Variants in FAM83G observed in about 807,000 individuals in gnomAD.
FAM83G encodes the protein scaffolding CK1 anchoring protein G.
In FAM83G, 38 loss-of-function variants were observed where a neutral mutation model predicts 61.5. That is an observed-to-expected ratio of 0.62 (90% CI 0.48 to 0.81). FAM83G has a LOEUF of 0.81. Among genes scored for constraint, FAM83G ranks in the 30% least tolerant of loss-of-function variants. FAM83G has a pLI of 0.00. For synonymous variants in FAM83G, 470 were observed against 476.1 expected (o/e 0.99, Z 0.17); for missense variants, 989 against 1,133.6 (o/e 0.87, Z 1.83).
intron 2 of FAM83G, among the ~76,000 whole-genome samples, chr17:18,999,059 CACAAGGTCA>C (rs2043649787): frequency 6.6e-6 from 1 of 152,196 alleles, no homozygotes; most frequent in African/African-American, 2.4e-5. Flanking sequence ...GCGGGTGGAT[CACAAGGTCA>C]GGAGTTCGAG....
chr17:18,977,592 C>G lies in FAM83G; in HGVS notation c.2074G>C (p.Glu692Gln), dbSNP rs1373533533. The G allele has an allele frequency of 3.7e-6, 6 of 1,608,298 alleles. No homozygotes were observed. In the Admixed American group the frequency reaches 5.0e-5, roughly 13 times the overall value. ...RMQAQRSTDK[E>Q]AQGQQFHHHR... ...CAGGGACCCTGACCCACCTGTGCCTCCTTGTCTGTGGAGCGCTGGGCCTGC... is the reference window on the plus strand; with the variant it reads ...CAGGGACCCTGACCCACCTGTGCCTGCTTGTCTGTGGAGCGCTGGGCCTGC... The change falls in exon 5 of 6, where the codon GAG becomes CAG. Residue 692 changes from glutamate (E) to glutamine (Q), a missense_variant. By Grantham distance (29) the Glu-to-Gln change is conservative (BLOSUM62 2). Coordinates refer to ENST00000388995, the MANE Select transcript of FAM83G (RefSeq NM_001039999.3).
At position 18,970,782 on chromosome 17, in the gene FAM83G, C is replaced by T; in HGVS notation, c.*577G>A. The T allele has an allele frequency of 3.6e-6, 2 of 560,124 alleles. No homozygotes were observed. The highest frequency in any genetic ancestry group is 6.4e-6 in the Non-Finnish European group (2 of 313,480). The allele number at this position is 560,124 out of a possible 1,614,324, so 34.7% of individuals were successfully genotyped here. A position where few individuals can be genotyped will look rare whatever the true frequency, so the allele number is the denominator to read the frequency against. On this transcript the variant is annotated 3_prime_UTR_variant, in exon 6 of 6. Coordinates refer to ENST00000388995, the MANE Select transcript of FAM83G (RefSeq NM_001039999.3). ...CACTGGGGTGCCCATGTGCAAAATG[C>T]TTACTTAATAGTATTATTTTAAATA...
In FAM83G at chr17:18,996,136, G is replaced by GAA. The variant is rs529997491; in HGVS notation, c.522+7382_522+7383dup. 0.077 allele frequency among the ~76,000 whole-genome samples: 10,595 copies of GAA among 137,534 alleles called. 699 individuals are homozygous for GAA. The highest frequency in any genetic ancestry group is 0.33 in the South Asian group (1,468 of 4,514). The allele number at this position is 137,534 out of a possible 152,430, so 90.2% of individuals were successfully genotyped here. A position where few individuals can be genotyped will look rare whatever the true frequency, so the allele number is the denominator to read the frequency against. ...GGCAATATCTTTAAAGTACTAAATG[G>GAA]AAAAAAAAAAAAATCAACTTAGAAT... is the stretch of plus-strand genomic sequence containing the variant. On this transcript the variant is annotated intron_variant, in intron 2 of 5. Transcript: ENST00000388995. The surrounding 1 kb of genome is among the most constrained non-coding windows in gnomAD (Gnocchi z 4.4).
rs1357221865 is a variant in FAM83G at position 18,978,078 on chromosome 17, G to A, written c.1588C>T (p.Pro530Ser). The A allele has an allele frequency of 6.6e-7, 1 of 1,516,328 alleles. No individual in the cohort carries two copies. 93.9% of individuals were successfully genotyped at this position (1,516,328 alleles called of 1,614,324 possible). The part of the protein sequence containing the change: ...SSDIGWVLEL[P>S]KEEAPQNGTD... ...CCATTCTGGGGAGCTTCCTCTTTGG[G>A]GAGCTCCAGGACCCAGCCAATATCA... Residue 530 changes from proline (P) to serine (S), a missense_variant, in exon 5 of 6, where the codon CCC becomes TCC. Pro to Ser is a moderately conservative substitution (Grantham distance 74). Transcript: ENST00000388995.
intron 3 of FAM83G, among the ~76,000 whole-genome samples, chr17:18,981,203 T>G (rs1023138518): frequency 6.6e-6 from 1 of 151,914 alleles, no homozygotes; most frequent in Non-Finnish European, 1.5e-5. Context: ...TGTGAAGGGC[T>G]GGCCGGGAGG....
At chr17:18,995,217 G>A (rs999343003) in intron 2 of FAM83G, among the ~76,000 whole-genome samples, 2 of 152,132 alleles carry the variant, frequency 1.3e-5, no homozygotes, top group Non-Finnish European at 2.9e-5. Flanking sequence ...GTTAGAACTG[G>A]CAGATAAAGA....
intron 4 of FAM83G, chr17:18,979,197 T>G (rs954169647): frequency 2.1e-6 from 1 of 466,276 alleles, no homozygotes; most frequent in East Asian, 3.9e-5. Context: ...AACCCCCATG[T>G]AACCATGGGC....
At position 18,972,308 on chromosome 17, in the gene FAM83G, C is replaced by G. The variant is rs1249844742; in HGVS notation, c.2083-560G>C. ...GCCTCTGGACCCAGCCCCAGGGGTCCACCATAGGACAAGGCAGCCACAGCC... is the reference window on the plus strand; with the variant it reads ...GCCTCTGGACCCAGCCCCAGGGGTCGACCATAGGACAAGGCAGCCACAGCC... On this transcript the variant is annotated intron_variant, in intron 5 of 5. Transcript: ENST00000388995. 3.9e-5 allele frequency among the ~76,000 whole-genome samples: 6 copies of G among 152,328 alleles called. 1 individual carries two copies. The highest frequency in any genetic ancestry group is 3.9e-4 in the Admixed American group (6 of 15,298).
intron 2 of FAM83G, among the ~76,000 whole-genome samples, chr17:18,993,986 C>T (rs79524186): frequency 0.083 from 12,685 of 152,234 alleles, 881 homozygotes; most frequent in African/African-American, 0.19. Flanking sequence ...AAGTCCCATC[C>T]CACCAGACCC....
intron 3 of FAM83G, among the ~76,000 whole-genome samples, chr17:18,984,973 A>T (rs1411801567): frequency 6.6e-6 from 1 of 152,170 alleles, no homozygotes; most frequent in Non-Finnish European, 1.5e-5. Context: ...CGCTGCTCCC[A>T]CCTCACCTGG....
chr17:18,971,546 C>T lies in FAM83G; in HGVS notation c.2285G>A (p.Arg762Lys), dbSNP rs750911081. 4 of 1,613,760 alleles carry T rather than the reference C, an allele frequency of 2.5e-6. No homozygotes were observed. The highest frequency in any genetic ancestry group is 3.4e-6 in the Non-Finnish European group (4 of 1,180,028). ...PRLLPDPGSP[R>K]LAQNARPMTD... ...CATGGGGCGGGCATTTTGGGCCAGTCTTGGGCTGCCGGGATCCGGAAGCAG... is the reference window on the plus strand; with the variant it reads ...CATGGGGCGGGCATTTTGGGCCAGTTTTGGGCTGCCGGGATCCGGAAGCAG... The change falls in exon 6 of 6, where the codon AGA becomes AAA. Residue 762 changes from arginine to lysine, a missense_variant. This residue lies in a region of FAM83G where 574 missense variants were observed against 645.1 expected (regional missense o/e 0.89). Coordinates refer to ENST00000388995, the MANE Select transcript of FAM83G (RefSeq NM_001039999.3). The surrounding 1 kb of genome is among the most constrained non-coding windows in gnomAD (Gnocchi z 5.5).
In FAM83G at chr17:18,978,460, C is replaced by T. The variant is rs1288913823; in HGVS notation, c.1206G>A (p.Leu402=). ...GGTACTCAAACATGTTGGCCCTCTC[C>T]AGGTGAAGCAGTCCTGGGTGGATGG... ...LPPIHPGLLH[L]ERANMFEYLP... is the part of the protein sequence containing the mutation. The change falls in exon 5 of 6, where the codon CTG becomes CTA. Residue 402 remains leucine (L), a synonymous_variant. Transcript: ENST00000388995. 1 of 1,608,684 alleles carries T rather than the reference C, an allele frequency of 6.2e-7. No individual in the cohort carries two copies. The highest frequency in any genetic ancestry group is 1.3e-5 in the African/African-American group (1 of 74,838).
chr17:18,996,800 T>C lies in FAM83G; in HGVS notation c.522+6720A>G, dbSNP rs2043581462. ...AGGCTTTTCTCCTAATGGGGGACCC[T>C]GTGTCCATTCCAACCTCTGAACCCA... On this transcript the variant is annotated intron_variant, in intron 2 of 5. Coordinates refer to ENST00000388995, the MANE Select transcript of FAM83G (RefSeq NM_001039999.3). This position sits in a 1 kb window ranked among gnomAD's most constrained non-coding sequence, Gnocchi z 4.4. Among the ~76,000 whole-genome samples, 1 of 152,198 alleles carries C rather than the reference T, an allele frequency of 6.6e-6. No homozygotes were observed. The highest frequency in any genetic ancestry group is 2.4e-5 in the African/African-American group (1 of 41,452).
chr17:18,988,134 CTG>C, intron 3 of FAM83G, 111 bp downstream of exon 3: 2 of 1,469,014 alleles, frequency 1.4e-6, no homozygotes, highest in Non-Finnish European at 1.8e-6. Flanking sequence ...TTACTGGACT[CTG>C]AGTGCCTGGC....
At chr17:18,993,344 G>GCCC (rs2043478941) in intron 2 of FAM83G, among the ~76,000 whole-genome samples, 1 of 152,150 alleles carries the variant, frequency 6.6e-6, no homozygotes. Context: ...CGTCACTCTG[G>GCCC]CCTGTCTGGG....
chr17:19,001,358 C>T (rs1439993657), intron 2 of FAM83G, among the ~76,000 whole-genome samples: 1 of 152,204 alleles, frequency 6.6e-6, no homozygotes, highest in African/African-American at 2.4e-5. Context: ...AGCTTAGTCT[C>T]TACTGCCTCT....
chr17:18,970,517 C>T lies in FAM83G; in HGVS notation c.*842G>A, dbSNP rs972515197. ...CCCCATCCCTCTCTGGACCTGTCTC[C>T]CTCTTCTCTGTGCCTCAGGGGGTGG... On this transcript the variant is annotated 3_prime_UTR_variant, in exon 6 of 6. Coordinates refer to ENST00000388995, the MANE Select transcript of FAM83G (RefSeq NM_001039999.3). 1 of 171,008 alleles carries T rather than the reference C, an allele frequency of 5.8e-6. No homozygotes were observed. The highest frequency in any genetic ancestry group is 1.4e-4 in the South Asian group (1 of 7,110). 10.6% of individuals were successfully genotyped at this position (171,008 alleles called of 1,614,324 possible). A position where few individuals can be genotyped will look rare whatever the true frequency, so the allele number is the denominator to read the frequency against.
rs766198807 is a variant in FAM83G, at chr17:19,000,891, T to C, written c.522+2629A>G. ...CGTCAGTGTCCGGGCCCTGCCCCTG[T>C]GAGCCTGGGAAGCAGCTGGGGCAGG... On this transcript the variant is annotated intron_variant, in intron 2 of 5. Transcript: ENST00000388995. The surrounding 1 kb of genome is among the most constrained non-coding windows in gnomAD (Gnocchi z 5.2). Among the ~76,000 whole-genome samples the C allele has an allele frequency of 9.2e-5, 14 of 152,138 alleles. No individual in the cohort carries two copies. Among genetic ancestry groups the C allele is most frequent in the Non-Finnish European group, 1.8e-4 (12 of 68,014 alleles).
Position 19,003,679 on chromosome 17 carries a change from G to A in FAM83G, c.363C>T (p.Pro121=), listed in dbSNP as rs890948906. 1 of 1,610,916 alleles carries A rather than the reference G, an allele frequency of 6.2e-7. No homozygotes were observed. Among genetic ancestry groups the A allele is most frequent in the Non-Finnish European group, 8.5e-7 (1 of 1,178,912 alleles). Residue 121 remains proline (P), a synonymous_variant, in exon 2 of 6, where the codon CCC becomes CCT. Coordinates refer to ENST00000388995, the MANE Select transcript of FAM83G (RefSeq NM_001039999.3). This position sits in a 1 kb window ranked among gnomAD's most constrained non-coding sequence, Gnocchi z 4.5. ...AEPLPSLEYW[P]QKSDRSIPQL... ...GCGGGATGGAGCGGTCCGACTTCTG[G>A]GGCCAGTACTCCAGGGAGGGCAGCG... is the stretch of plus-strand genomic sequence containing the variant.
Sources: gnomAD v4.1 joint callset for allele counts (sites outside exome capture counted in the v4.1 genomes callset) on GRCh38, gnomAD v4.1.1 for gene constraint, gnomAD v4.1.1 regional missense constraint, Gnocchi (gnomAD v3.1) non-coding constraint, MANE v1.5 for transcripts, NCBI Gene and HGNC (gene_info 2026-07-23, HGNC 2026-07-21) for gene names.